SCHIP1: variants seen among roughly 807,000 people sequenced by gnomAD.
SCHIP1 encodes schwannomin interacting protein 1.
A neutral mutation model predicts 29.7 loss-of-function variants in SCHIP1; 8 were observed. The observed-to-expected ratio is 0.27, with a 90% CI of 0.16 to 0.49. The LOEUF (loss-of-function observed/expected upper bound fraction) is 0.49. SCHIP1 is among the 20% of genes least tolerant of loss of function. The pLI is 0.99. For missense variants in SCHIP1, 193 were observed against 294.6 expected, an observed-to-expected ratio of 0.66 and a Z score of 2.52; for synonymous variants, 76 against 94.9, an observed-to-expected ratio of 0.80 and a Z score of 1.16.
At chr3:159,635,020 G>A in the SCHIP1 span, among the ~76,000 whole-genome samples, 5 of 151,958 alleles carry the variant, frequency 3.3e-5, no homozygotes, top group African/African-American at 4.8e-5. Flanking sequence ...TACAACCTTC[G>A]TCTTTGTATT....
At chr3:159,373,059 G>GA in the SCHIP1 span, among the ~76,000 whole-genome samples, 3 of 151,240 alleles carry the variant, frequency 2.0e-5, no homozygotes, top group Non-Finnish European at 4.4e-5. Context: ...TAATTTTTCT[G>GA]AAAAAAGGGT....
the SCHIP1 span, among the ~76,000 whole-genome samples, chr3:159,564,466 T>A: frequency 1.3e-5 from 2 of 152,196 alleles, no homozygotes; most frequent in African/African-American, 2.4e-5. Context: ...AACCTCTGCC[T>A]CCCGAGTTCA....
chr3:159,887,114 T>A (rs960246725), intron 3 of SCHIP1: 2 of 152,820 alleles, frequency 1.3e-5, no homozygotes, highest in African/African-American at 4.8e-5. Context: ...AGAAATTAGA[T>A]ATGCTCTAAA....
At chr3:159,726,438 T>C in the SCHIP1 span, among the ~76,000 whole-genome samples, 1 of 152,234 alleles carries the variant, frequency 6.6e-6, no homozygotes, top group South Asian at 2.1e-4. Context: ...CTTAGCTTTG[T>C]GGTCAAGCTA....
the SCHIP1 span, among the ~76,000 whole-genome samples, chr3:159,312,231 G>A: frequency 6.6e-6 from 1 of 152,208 alleles, no homozygotes; most frequent in East Asian, 1.9e-4. Context: ...GCTATAAAAA[G>A]GAACTCTACA....
chr3:159,610,391 G>GT, the SCHIP1 span, among the ~76,000 whole-genome samples: 1 of 152,202 alleles, frequency 6.6e-6, no homozygotes, highest in Non-Finnish European at 1.5e-5. Flanking sequence ...CCGAGATTTT[G>GT]TGGGGGGTGA....
chr3:159,380,063 AAT>A, the SCHIP1 span, among the ~76,000 whole-genome samples: 2 of 152,242 alleles, frequency 1.3e-5, no homozygotes, highest in African/African-American at 2.4e-5. Flanking sequence ...TGTTAGAGAA[AAT>A]ACAGCAGAAA....
the SCHIP1 span, among the ~76,000 whole-genome samples, chr3:159,608,210 T>G: frequency 1.3e-5 from 2 of 152,298 alleles, no homozygotes; most frequent in African/African-American, 4.8e-5. Context: ...ACCTCAGTGA[T>G]TCAACTTGCT....
At chr3:159,680,606 T>TTATATATAATATATGTATAATATATATTA in the SCHIP1 span, among the ~76,000 whole-genome samples, 102 of 98,600 alleles carry the variant, frequency 1.0e-3, no homozygotes, top group Middle Eastern at 4.0e-3. Flanking sequence ...ATAATATATA[T>TTATATATAATATATGTATAATATATATTA]TATATATGTA....
At chr3:159,687,096 T>C in the SCHIP1 span, among the ~76,000 whole-genome samples, 2 of 152,238 alleles carry the variant, frequency 1.3e-5, no homozygotes, top group South Asian at 4.2e-4. Context: ...CTAGAAAACA[T>C]AGAAAATTTT....
At chr3:159,836,797 A>T (rs1439177060), upstream of SCHIP1, among the ~76,000 whole-genome samples, 1 of 152,228 alleles carries the variant, frequency 6.6e-6, no homozygotes, top group East Asian at 1.9e-4. Flanking sequence ...TTAGTTAAAG[A>T]TAACAAATGT....
At chr3:159,805,662 C>T in the SCHIP1 span, among the ~76,000 whole-genome samples, 1 of 152,120 alleles carries the variant, frequency 6.6e-6, no homozygotes, top group Non-Finnish European at 1.5e-5. Context: ...AAACACCCAG[C>T]TCCTCACCTT....
At chr3:159,286,329 G>A in the SCHIP1 span, among the ~76,000 whole-genome samples, 1 of 152,096 alleles carries the variant, frequency 6.6e-6, no homozygotes, top group African/African-American at 2.4e-5. Flanking sequence ...GTGGTATATG[G>A]TTGTCTGTTC....
the SCHIP1 span, among the ~76,000 whole-genome samples, chr3:159,791,483 T>G: frequency 3.9e-5 from 6 of 152,014 alleles, no homozygotes; most frequent in Admixed American, 2.6e-4. Context: ...GGAGACAGAG[T>G]CCTGCTTGGG....
At chr3:159,607,308 CAT>C in the SCHIP1 span, among the ~76,000 whole-genome samples, 1 of 152,048 alleles carries the variant, frequency 6.6e-6, no homozygotes, top group Non-Finnish European at 1.5e-5. Context: ...TTTCTTAAAT[CAT>C]ATATAACAAT....
the SCHIP1 span, among the ~76,000 whole-genome samples, chr3:159,620,545 T>C: frequency 2.0e-5 from 3 of 152,244 alleles, no homozygotes; most frequent in African/African-American, 7.2e-5. Flanking sequence ...ATAGCAACCA[T>C]GTCCCTTCTT....
intron 5 of SCHIP1, among the ~76,000 whole-genome samples, chr3:159,890,417 TA>T (rs1345132390): frequency 2.4e-4 from 37 of 152,258 alleles, no homozygotes; most frequent in Admixed American, 2.4e-3. Context: ...AGTGACAGTA[TA>T]AAAGGCTACA....
chr3:159,758,026 T>A, the SCHIP1 span, among the ~76,000 whole-genome samples: 17 of 152,240 alleles, frequency 1.1e-4, no homozygotes, highest in African/African-American at 4.1e-4. Flanking sequence ...TCCATGCCTA[T>A]GACTTATAAT....
the SCHIP1 span, among the ~76,000 whole-genome samples, chr3:159,594,392 C>T: frequency 6.6e-6 from 1 of 152,054 alleles, no homozygotes; most frequent in Non-Finnish European, 1.5e-5. Flanking sequence ...GACATGTTTG[C>T]CTGTTAAGAT....
Sources: gnomAD v4.1 joint callset for allele counts (sites outside exome capture counted in the v4.1 genomes callset) on GRCh38, gnomAD v4.1.1 for gene constraint, MANE v1.5 for transcripts, NCBI Gene and HGNC (gene_info 2026-07-23, HGNC 2026-07-21) for gene names.